DOCK1: variants seen among roughly 807,000 people sequenced by gnomAD.
DOCK1 encodes dedicator of cytokinesis 1.
A neutral mutation model predicts 262.7 loss-of-function variants in DOCK1; 138 were observed. The ratio of observed to expected loss-of-function variants is 0.53; its 90% CI spans 0.46 to 0.61. The LOEUF (loss-of-function observed/expected upper bound fraction) is 0.61. DOCK1 is among the 20% of genes least tolerant of loss of function. The pLI is 0.00. For missense variants in DOCK1, 1,908 were observed against 2,370.7 expected, an observed-to-expected ratio of 0.80 and a Z score of 4.05; for synonymous variants, 866 against 867.4, an observed-to-expected ratio of 1.00 and a Z score of 0.03.
At chr10:127,210,296 G>A (rs939855578) in intron 27 of DOCK1, among the ~76,000 whole-genome samples, 2 of 152,192 alleles carry the variant, frequency 1.3e-5, no homozygotes, top group Non-Finnish European at 2.9e-5. Flanking sequence ...ATCCCAGGAA[G>A]AATGGCCCCT....
At chr10:127,026,174 C>G (rs2042846855) in intron 15 of DOCK1, 178 bp from the exon 16 acceptor site, 1 of 608,398 alleles carries the variant, frequency 1.6e-6, no homozygotes, top group South Asian at 2.0e-5. Context: ...CAATATGATA[C>G]AAAATTTTGC....
chr10:127,070,858 A>G (rs1205526213), intron 23 of DOCK1, among the ~76,000 whole-genome samples: 1 of 151,896 alleles, frequency 6.6e-6, no homozygotes, highest in Non-Finnish European at 1.5e-5. Context: ...CTGGCCATAT[A>G]TTGAGTCAGA....
At chr10:127,365,469 C>G (rs2064854659) in intron 33 of DOCK1, among the ~76,000 whole-genome samples, 1 of 152,146 alleles carries the variant, frequency 6.6e-6, no homozygotes, top group African/African-American at 2.4e-5. Context: ...GCAGAAAATT[C>G]ATTTGACTTT....
At chr10:126,982,024 C>T in intron 4 of DOCK1, 51 bp downstream of exon 4, 2 of 1,584,496 alleles carry the variant, frequency 1.3e-6, no homozygotes, top group East Asian at 4.5e-5. Flanking sequence ...CTATATTTGG[C>T]CTTGCTGCTC....
chr10:126,962,414 C>T (rs2037301532), intron 1 of DOCK1, among the ~76,000 whole-genome samples: 1 of 152,218 alleles, frequency 6.6e-6, no homozygotes. Context: ...CCACCTTGGC[C>T]TCCCAAAGTG....
chr10:127,196,294 G>C (rs2057141731), intron 27 of DOCK1: 1 of 149,012 alleles, frequency 6.7e-6, no homozygotes. Flanking sequence ...GGGAGGCAGC[G>C]GCTGGGCCAG....
Position 127,259,478 on chromosome 10 carries a change from G to A in DOCK1, c.3044+2049G>A, listed in dbSNP as rs559474132. Among the ~76,000 whole-genome samples the A allele has an allele frequency of 1.0e-3, 156 of 152,310 alleles. 1 individual carries two copies. Among genetic ancestry groups the A allele is most frequent in the Non-Finnish European group, 1.8e-3 (122 of 68,030 alleles). On this transcript the variant is annotated intron_variant, in intron 29 of 51. Coordinates refer to ENST00000623213, the MANE Select transcript of DOCK1 (RefSeq NM_001290223.2). Reference sequence around the variant, plus strand: ...TAATCAAAAACCCCGCTGTCCTGGAGCCATAGATCTCATGACATCATTGGC... The same window carrying A: ...TAATCAAAAACCCCGCTGTCCTGGAACCATAGATCTCATGACATCATTGGC...
intron 14 of DOCK1, among the ~76,000 whole-genome samples, chr10:127,024,300 CAG>C (rs2042666490): frequency 6.6e-6 from 1 of 152,024 alleles, no homozygotes; most frequent in Admixed American, 6.6e-5. Context: ...GTGAAGCAAA[CAG>C]TGTTCATGGC....
chr10:127,018,453 G>A, intron 12 of DOCK1: 1 of 521,974 alleles, frequency 1.9e-6, no homozygotes. Flanking sequence ...CACAGTGGGT[G>A]CACAGCAGCT....
At chr10:127,261,489 CTG>C (rs1184098676) in intron 29 of DOCK1, among the ~76,000 whole-genome samples, 15 of 112,558 alleles carry the variant, frequency 1.3e-4, no homozygotes, top group Non-Finnish European at 2.3e-4. Flanking sequence ...CCGTGCTCAT[CTG>C]TGTGTGTGCA....
At chr10:127,409,963 C>T (rs1200950765) in intron 42 of DOCK1, among the ~76,000 whole-genome samples, 1 of 152,158 alleles carries the variant, frequency 6.6e-6, no homozygotes, top group East Asian at 1.9e-4. Flanking sequence ...AGTTGTATCG[C>T]ACCTGACTTA....
Position 127,207,175 on chromosome 10 carries a change from C to G in DOCK1, c.2848-40833C>G, listed in dbSNP as rs116779433. On this transcript the variant is annotated intron_variant, in intron 27 of 51. Transcript: ENST00000623213. ...TTGAGCTAACTCAATTTATGCCAAC[C>G]AGTTCTTGCTGGTCATAGTTCTAGA... Among the ~76,000 whole-genome samples the G allele has an allele frequency of 5.7e-3, 865 of 152,312 alleles. 10 individuals are homozygous for G. The highest frequency in any genetic ancestry group is 0.02 in the African/African-American group (822 of 41,570).
intron 29 of DOCK1, among the ~76,000 whole-genome samples, chr10:127,298,075 G>A (rs1203536062): frequency 6.6e-6 from 1 of 152,178 alleles, no homozygotes; most frequent in African/African-American, 2.4e-5. Flanking sequence ...TCCATTAAGT[G>A]TGAATCAGTG....
intron 21 of DOCK1, among the ~76,000 whole-genome samples, chr10:127,051,529 TA>T (rs908163148): frequency 3.8e-4 from 58 of 152,274 alleles, no homozygotes; most frequent in African/African-American, 1.1e-3. Context: ...TTCATGCCTT[TA>T]AAAAAATTGT....
intron 27 of DOCK1, among the ~76,000 whole-genome samples, chr10:127,173,925 A>G (rs1260340921): frequency 6.6e-6 from 1 of 152,196 alleles, no homozygotes; most frequent in Admixed American, 6.5e-5. Flanking sequence ...AAGAGCATCA[A>G]GCTGTAGACA....
At position 126,927,914 on chromosome 10, in the gene DOCK1, C is replaced by T. The variant is rs943988995; in HGVS notation, c.46+22351C>T. Among the ~76,000 whole-genome samples, 19 of 152,114 alleles carry T rather than the reference C, an allele frequency of 1.2e-4. No homozygotes were observed. In the South Asian group the frequency reaches 2.3e-3, roughly 18 times the overall value. ...GGGGCCAGGCAGTTACCATGCTCGGCGGAGAGGTGAGTGGTCTCAGGGAAG... is the reference window on the plus strand; with the variant it reads ...GGGGCCAGGCAGTTACCATGCTCGGTGGAGAGGTGAGTGGTCTCAGGGAAG... On this transcript the variant is annotated intron_variant, in intron 1 of 51. Coordinates refer to ENST00000623213, the MANE Select transcript of DOCK1 (RefSeq NM_001290223.2).
chr10:126,974,285 C>T (rs1278632363), intron 2 of DOCK1, among the ~76,000 whole-genome samples: 2 of 152,178 alleles, frequency 1.3e-5, no homozygotes, highest in Non-Finnish European at 2.9e-5. Context: ...AGGCAAGCTG[C>T]AGGCATTGCC....
intron 10 of DOCK1, among the ~76,000 whole-genome samples, chr10:127,006,868 A>G (rs1373931274): frequency 1.3e-5 from 2 of 151,992 alleles, no homozygotes; most frequent in African/African-American, 4.8e-5. Context: ...ACCAGCTGGC[A>G]TGTGAGGGTG....
At chr10:127,190,140 C>A (rs549927606) in intron 27 of DOCK1, among the ~76,000 whole-genome samples, 2 of 152,330 alleles carry the variant, frequency 1.3e-5, no homozygotes, top group South Asian at 4.1e-4. Context: ...ACTAGGTCAC[C>A]AAATTCAAAG....
Sources: allele counts gnomAD v4.1 joint callset (sites outside exome capture counted in the v4.1 genomes callset), GRCh38; gene constraint gnomAD v4.1.1; transcripts MANE v1.5; gene names NCBI Gene and HGNC (gene_info 2026-07-23, HGNC 2026-07-21).